The following SDK1 variants were observed in gnomAD, a reference collection of about 807,000 sequenced individuals.
SDK1 encodes the protein protein sidekick-1.
SDK1 carries 157 observed loss-of-function variants against 245.5 expected under a neutral mutation model. The ratio of observed to expected loss-of-function variants is 0.64; its 90% confidence interval spans 0.56 to 0.73. The LOEUF is 0.73. Among genes scored for constraint, SDK1 ranks in the 30% least tolerant of loss-of-function variants. SDK1 has a pLI of 0.00. For missense variants in SDK1, 3,583 were observed against 3,002.3 expected, an observed-to-expected ratio of 1.19 and a Z score of -4.52; for synonymous variants, 1,647 against 1,278.5, an observed-to-expected ratio of 1.29 and a Z score of -6.15.
intron 1 of SDK1, among the ~76,000 whole-genome samples, chr7:3,606,026 A>G (rs1268896916): frequency 1.3e-5 from 2 of 152,216 alleles, no homozygotes; most frequent in African/African-American, 2.4e-5. Context: ...AAAATAACAT[A>G]CACTTCATGA....
chr7:3,805,228 A>G (rs1418060848), intron 4 of SDK1, among the ~76,000 whole-genome samples: 2 of 152,182 alleles, frequency 1.3e-5, no homozygotes, highest in Non-Finnish European at 2.9e-5. Context: ...TGTATTCTGA[A>G]ACCCTTGCTG....
intron 1 of SDK1, among the ~76,000 whole-genome samples, chr7:3,309,999 G>T (rs1385994813): frequency 6.6e-6 from 1 of 152,134 alleles, no homozygotes; most frequent in Non-Finnish European, 1.5e-5. Context: ...ATAATTAGGA[G>T]AATTTCTTTA....
At chr7:4,045,936 A>G (rs1460526929) in intron 17 of SDK1, among the ~76,000 whole-genome samples, 2 of 151,842 alleles carry the variant, frequency 1.3e-5, no homozygotes, top group Non-Finnish European at 1.5e-5. Context: ...TTTTTTCTGC[A>G]TAGTAGGTTT....
intron 4 of SDK1, among the ~76,000 whole-genome samples, chr7:3,726,154 C>G (rs1205857322): frequency 6.6e-6 from 1 of 152,166 alleles, no homozygotes; most frequent in Non-Finnish European, 1.5e-5. Context: ...ATATGAGAAT[C>G]CATCATGTGA....
chr7:3,889,576 C>G (rs1298848497), intron 5 of SDK1, among the ~76,000 whole-genome samples: 1 of 152,110 alleles, frequency 6.6e-6, no homozygotes, highest in Non-Finnish European at 1.5e-5. Context: ...GGAGCGATCT[C>G]AGCTCACTGC....
At position 3,799,978 on chromosome 7, in the gene SDK1, C is replaced by G. The variant is rs1363014282; in HGVS notation, c.714-21472C>G. The stretch of plus-strand genomic sequence containing the variant: ...CATGAGATGGAAAAATATTCCTTTC[C>G]CAGAACTTTGTTACTGTTTAGATTA... On this transcript the variant is annotated intron_variant, in intron 4 of 44. Transcript: ENST00000404826. Among the ~76,000 whole-genome samples, 4 of 152,014 alleles carry G rather than the reference C, an allele frequency of 2.6e-5. No individual in the cohort carries two copies. The South Asian group carries it at 6.2e-4, about 24-fold the overall frequency.
chr7:3,926,296 A>G (rs928557582), intron 5 of SDK1, among the ~76,000 whole-genome samples: 6 of 152,210 alleles, frequency 3.9e-5, no homozygotes, highest in African/African-American at 1.4e-4. Context: ...TGAGCAATGA[A>G]AATGACAATC....
intron 5 of SDK1, among the ~76,000 whole-genome samples, chr7:3,892,424 G>C (rs936478445): frequency 6.6e-6 from 1 of 152,136 alleles, no homozygotes; most frequent in Non-Finnish European, 1.5e-5. Context: ...GAGGGGAAGC[G>C]GGAACCCCCA....
intron 1 of SDK1, among the ~76,000 whole-genome samples, chr7:3,510,423 C>T (rs954032545): frequency 1.1e-4 from 17 of 152,168 alleles, no homozygotes; most frequent in African/African-American, 4.1e-4. Flanking sequence ...CCAAGGCACT[C>T]GGTCTTCTAA....
Position 3,810,669 on chromosome 7 carries a change from A to G in SDK1, c.714-10781A>G, listed in dbSNP as rs80321436. Among the ~76,000 whole-genome samples, 1,248 of 152,330 alleles carry G rather than the reference A, an allele frequency of 8.2e-3. 45 individuals carry two copies. In the East Asian group the frequency reaches 0.12, roughly 15 times the overall value. ...CACTAGTTACATCAACAGTTACCCT[A>G]TAATCTCTTCATTTCTTTTCTGTCC... On this transcript the variant is annotated intron_variant, in intron 4 of 44. Transcript: ENST00000404826.
intron 5 of SDK1, among the ~76,000 whole-genome samples, chr7:3,858,246 T>G (rs1780594475): frequency 6.6e-6 from 1 of 151,990 alleles, no homozygotes; most frequent in Non-Finnish European, 1.5e-5. Flanking sequence ...ATGATATCAT[T>G]TTTTTAAAAA....
intron 4 of SDK1, among the ~76,000 whole-genome samples, chr7:3,818,679 C>T (rs1779570397): frequency 6.6e-6 from 1 of 152,224 alleles, no homozygotes; most frequent in African/African-American, 2.4e-5. Context: ...AGTATCTGAG[C>T]TCATGAACCA....
rs2341589 is a variant in SDK1 at position 3,706,431 on chromosome 7, T to C, written c.713+64326T>C. On this transcript the variant is annotated intron_variant, in intron 4 of 44. Coordinates refer to ENST00000404826, the MANE Select transcript of SDK1 (RefSeq NM_152744.4). The stretch of plus-strand genomic sequence containing the variant: ...TGGCATTTTTCTTTTTTATGGAGTC[T>C]TGCTCTGTCACCCAGGCTGGAGTGC... Among the ~76,000 whole-genome samples, 609 of 152,324 alleles carry C rather than the reference T, an allele frequency of 4.0e-3. 22 individuals carry two copies. Among genetic ancestry groups the C allele is most frequent in the Admixed American group, 0.032 (490 of 15,308 alleles).
chr7:4,240,849 A>G lies in SDK1; in HGVS notation c.6131-944A>G, dbSNP rs139930770. On this transcript the variant is annotated intron_variant, in intron 42 of 44. Transcript: ENST00000404826. ...AGAGAAACCCGGGAAATACTGGGAGAAGGAGCTTCCAGCAAGAGGGAGAGC... is the reference window on the plus strand; with the variant it reads ...AGAGAAACCCGGGAAATACTGGGAGGAGGAGCTTCCAGCAAGAGGGAGAGC... 2.0e-5 allele frequency among the ~76,000 whole-genome samples: 3 copies of G among 152,200 alleles called. No individual in the cohort carries two copies. The East Asian group carries it at 5.8e-4, about 29-fold the overall frequency.
intron 4 of SDK1, among the ~76,000 whole-genome samples, chr7:3,756,050 A>G (rs1009073662): frequency 1.4e-5 from 2 of 148,006 alleles, no homozygotes; most frequent in African/African-American, 2.5e-5. Flanking sequence ...ACATATGTAT[A>G]TCGTGGTTTT....
chr7:3,981,742 G>A (rs1330967375), intron 13 of SDK1, among the ~76,000 whole-genome samples: 2 of 152,186 alleles, frequency 1.3e-5, no homozygotes, highest in African/African-American at 4.8e-5. Context: ...CTTCAGTTTT[G>A]TGAAGACAGA....
rs73302308 is a variant in SDK1 at position 3,426,113 on chromosome 7, G to A, written c.298+124229G>A. On this transcript the variant is annotated intron_variant, in intron 1 of 44. Transcript: ENST00000404826. ...GTAATTTTGTTAAGCAGTAAACAACGTGGAAGACAGGTTGGTCAGGAGATA... is the reference window on the plus strand; with the variant it reads ...GTAATTTTGTTAAGCAGTAAACAACATGGAAGACAGGTTGGTCAGGAGATA... Among the ~76,000 whole-genome samples the A allele has an allele frequency of 9.2e-3, 1,395 of 152,224 alleles. 27 individuals carry two copies. Among genetic ancestry groups the A allele is most frequent in the African/African-American group, 0.032 (1,308 of 41,518 alleles).
Position 4,065,711 on chromosome 7 carries a change from T to G in SDK1, c.2912-2127T>G, listed in dbSNP as rs1197088819. On this transcript the variant is annotated intron_variant, in intron 19 of 44. Coordinates refer to ENST00000404826, the MANE Select transcript of SDK1 (RefSeq NM_152744.4). Reference sequence around the variant, plus strand: ...TGGTTGTTGTTTTTTTTTTTTTTTTTTTTTTTTTTTTTTTTTTTGAGGCTG... The same window carrying G: ...TGGTTGTTGTTTTTTTTTTTTTTTTGTTTTTTTTTTTTTTTTTTGAGGCTG... Among the ~76,000 whole-genome samples the G allele has an allele frequency of 3.0e-3, 425 of 140,130 alleles. 6 individuals carry two copies. Among genetic ancestry groups the G allele is most frequent in the African/African-American group, 8.0e-3 (300 of 37,542 alleles). 91.9% of individuals were successfully genotyped at this position (140,130 alleles called of 152,430 possible).
At chr7:3,642,836 G>A (rs1201796083) in intron 4 of SDK1, 3 of 152,216 alleles carry the variant, frequency 2.0e-5, no homozygotes, top group Admixed American at 6.5e-5. Context: ...TTTCAAGGCT[G>A]AACATTTCCA....
Sources: gnomAD v4.1 joint callset for allele counts (sites outside exome capture counted in the v4.1 genomes callset) on GRCh38, gnomAD v4.1.1 for gene constraint, MANE v1.5 for transcripts, NCBI Gene and HGNC (gene_info 2026-07-23, HGNC 2026-07-21) for gene names.